Variants in PI4KA observed in about 807,000 individuals in gnomAD.
PI4KA encodes PI4-kinase alpha.
Under a neutral mutation model 271.4 loss-of-function variants are expected in PI4KA, and 122 were observed. The observed-to-expected ratio is 0.45, with a 90% confidence interval of 0.39 to 0.52. The LOEUF (loss-of-function observed/expected upper bound fraction) is 0.52, where lower values mean the gene tolerates loss of function less well. Ranked by LOEUF, PI4KA falls within the 20% of genes least tolerant of loss-of-function variation. The pLI is 0.00. For synonymous variants in PI4KA, 1,041 were observed against 1,078.8 expected (o/e 0.96, Z 0.69); for missense variants, 1,969 against 2,769.1 (o/e 0.71, Z 6.48).
chr22:20,761,809 G>A (rs1036804036), intron 22 of PI4KA, among the ~76,000 whole-genome samples: 1 of 152,176 alleles, frequency 6.6e-6, no homozygotes, highest in East Asian at 1.9e-4. Flanking sequence ...ACAGAAAAAA[G>A]GAAGGTGCAG....
chr22:20,758,154 A>C (rs1250105415), intron 23 of PI4KA, among the ~76,000 whole-genome samples: 1 of 151,980 alleles, frequency 6.6e-6, no homozygotes, highest in Non-Finnish European at 1.5e-5. Context: ...TCACGAGGTC[A>C]GGAGATCGAG....
At chr22:20,758,207 T>C (rs1037355479) in intron 23 of PI4KA, among the ~76,000 whole-genome samples, 1 of 151,484 alleles carries the variant, frequency 6.6e-6, no homozygotes, top group Non-Finnish European at 1.5e-5. Flanking sequence ...CTACTAAAAA[T>C]ACAAAAAATT....
At chr22:20,739,306 T>A (rs1929119564) in intron 32 of PI4KA, among the ~76,000 whole-genome samples, 1 of 146,186 alleles carries the variant, frequency 6.8e-6, no homozygotes. Flanking sequence ...GCCACTGCAC[T>A]CCAGCCTGGG....
At chr22:20,749,622 C>T (rs559100213) in intron 28 of PI4KA, among the ~76,000 whole-genome samples, 22 of 152,386 alleles carry the variant, frequency 1.4e-4, no homozygotes, top group South Asian at 8.3e-4. Context: ...CACACAAGCC[C>T]TTCCTCTCGT....
chr22:20,746,102 G>A (rs748896945), intron 29 of PI4KA, among the ~76,000 whole-genome samples: 6 of 107,388 alleles, frequency 5.6e-5, no homozygotes, highest in Admixed American at 3.9e-4. Context: ...TTGCTCTGTT[G>A]CCCAGGCTGG....
rs576381529 is a variant in PI4KA at position 20,851,116 on chromosome 22, T to C, written c.156+7454A>G. Reference sequence around the variant, plus strand: ...GGCTCATGCCTATAATCCCAGCACTTTGCGAGGCCGAAGTGGGCAGACGGC... The same window carrying C: ...GGCTCATGCCTATAATCCCAGCACTCTGCGAGGCCGAAGTGGGCAGACGGC... On this transcript the variant is annotated intron_variant, in intron 1 of 54. Coordinates refer to ENST00000255882, the MANE Select transcript of PI4KA (RefSeq NM_058004.4). Among the ~76,000 whole-genome samples the C allele has an allele frequency of 7.2e-5, 11 of 152,200 alleles. No homozygotes were observed. The South Asian group carries it at 2.3e-3, about 32-fold the overall frequency.
intron 1 of PI4KA, among the ~76,000 whole-genome samples, chr22:20,842,483 T>A (rs1197387786): frequency 6.6e-6 from 1 of 152,200 alleles, no homozygotes; most frequent in Non-Finnish European, 1.5e-5. Flanking sequence ...CCTACTGGAC[T>A]GCCTATCAAG....
rs761427349 is a variant in PI4KA, at chr22:20,713,338, G to T, written c.5514C>A (p.Asp1838Glu). 3.8e-6 allele frequency: 6 copies of T among 1,599,414 alleles called. No homozygotes were observed. The highest frequency in any genetic ancestry group is 5.1e-6 in the Non-Finnish European group (6 of 1,172,282). Residue 1838 changes from aspartate to glutamate, a missense_variant, in exon 48 of 55, where the codon GAC becomes GAA. Physicochemically the swap from Asp to Glu is conservative, Grantham distance 45 (BLOSUM62 2). This residue lies in a region of PI4KA where 388 missense variants were observed against 521.5 expected (regional missense o/e 0.74). Coordinates refer to ENST00000255882, the MANE Select transcript of PI4KA (RefSeq NM_058004.4). ...SEDECSTQEA[D>E]GQKISWQAAI... ...CTGCCTGCCAGGAGATCTTCTGGCC[G>T]TCGGCCTCCTGCGTGCTGCACTCAT...
intron 14 of PI4KA, 93 bp from the exon 15 acceptor site, chr22:20,799,859 T>G (rs1935198266): frequency 2.8e-6 from 2 of 708,166 alleles, no homozygotes; most frequent in East Asian, 5.7e-5. Flanking sequence ...CTACAAAGTT[T>G]AAAGAACTGC....
intron 19 of PI4KA, among the ~76,000 whole-genome samples, chr22:20,766,303 G>GCT (rs991940904): frequency 9.9e-5 from 15 of 152,140 alleles, no homozygotes; most frequent in Non-Finnish European, 2.2e-4. Context: ...CAGGTGAGGG[G>GCT]CTATTGTCCT....
Position 20,721,301 on chromosome 22 carries a change from C to A in PI4KA, c.5113G>T (p.Asp1705Tyr). ...TGTGGGAGGACAAAATACTCACGGT[C>A]TTTCTGGTGGCCCTCTTCATCTAGA... ...IYLDEEGHQK[D>Y]PDIGDLLDQL... Residue 1705 changes from aspartate (D) to tyrosine (Y), a missense_variant, in exon 43 of 55, where the codon GAC (aspartate) becomes TAC (tyrosine). Around this residue, in one of 13 missense-constraint regions of PI4KA, gnomAD observed 388 missense variants for 521.5 expected, o/e 0.74. Coordinates refer to ENST00000255882, the MANE Select transcript of PI4KA (RefSeq NM_058004.4). 6.2e-7 allele frequency: 1 copy of A among 1,613,960 alleles called. No individual in the cohort carries two copies. Among genetic ancestry groups the A allele is most frequent in the South Asian group, 1.1e-5 (1 of 91,052 alleles).
chr22:20,821,601 GT>G (rs1307501715), intron 4 of PI4KA, among the ~76,000 whole-genome samples: 4 of 149,860 alleles, frequency 2.7e-5, no homozygotes, highest in Non-Finnish European at 4.5e-5. Context: ...TTGTTTGTTT[GT>G]TTGTTTTGAG....
chr22:20,755,873 G>C (rs529642790), intron 23 of PI4KA, among the ~76,000 whole-genome samples: 19 of 151,660 alleles, frequency 1.3e-4, no homozygotes, highest in African/African-American at 4.6e-4. Flanking sequence ...TGCAGATGAA[G>C]AAACTGTAAT....
chr22:20,824,633 A>G (rs1270762975), intron 3 of PI4KA, among the ~76,000 whole-genome samples: 1 of 152,112 alleles, frequency 6.6e-6, no homozygotes, highest in Non-Finnish European at 1.5e-5. Context: ...TTTTGGTTCA[A>G]TAAACTTAAA....
chr22:20,854,767 G>A (rs1927384969), intron 1 of PI4KA, among the ~76,000 whole-genome samples: 1 of 151,104 alleles, frequency 6.6e-6, no homozygotes, highest in Admixed American at 6.6e-5. Flanking sequence ...AGAGAGAAGG[G>A]GAGGGATTGG....
chr22:20,803,306 C>G lies in PI4KA; in HGVS notation c.1476G>C (p.Leu492=). 1 of 1,614,108 alleles carries G rather than the reference C, an allele frequency of 6.2e-7. No individual in the cohort carries two copies. Among genetic ancestry groups the G allele is most frequent in the Non-Finnish European group, 8.5e-7 (1 of 1,179,972 alleles). The change falls in exon 13 of 55, where the codon CTG becomes CTC. Residue 492 remains leucine (L), a synonymous_variant. Transcript: ENST00000255882. The part of the protein sequence containing the change: ...LICCLQGLGR[L]CERFPVVVHS... ...GCACCACCACCGGGAACCTCTCGCA[C>G]AGGCGGCCCAAACCCTGCAACACAC...
chr22:20,787,152 T>C (rs1348893103), intron 19 of PI4KA: 1 of 1,247,420 alleles, frequency 8.0e-7, no homozygotes, highest in African/African-American at 1.5e-5. Context: ...TGTTCTGGCA[T>C]CATTTACGTA....
Position 20,818,527 on chromosome 22 carries a change from G to C in PI4KA, c.812C>G (p.Pro271Arg), listed in dbSNP as rs1318155482. The change falls in exon 7 of 55, where the codon CCC becomes CGC. Residue 271 changes from proline (P) to arginine (R), a missense_variant. Coordinates refer to ENST00000255882, the MANE Select transcript of PI4KA (RefSeq NM_058004.4). ...ISQVSPERGM[P>R]PPSSPGGSAF... Reference sequence around the variant, plus strand: ...AGATCCTCCAGGGGAACTGGGAGGGGGCATGCCGCGTTCAGGGCTGACCTG... The same window carrying C: ...AGATCCTCCAGGGGAACTGGGAGGGCGCATGCCGCGTTCAGGGCTGACCTG... 1 of 1,560,998 alleles carries C rather than the reference G, an allele frequency of 6.4e-7. No homozygotes were observed.
intron 32 of PI4KA, among the ~76,000 whole-genome samples, chr22:20,734,900 A>G (rs1238629406): frequency 6.6e-6 from 1 of 152,140 alleles, no homozygotes; most frequent in African/African-American, 2.4e-5. Context: ...TGTGGCTGTG[A>G]GCGGGAAGAC....
Sources: allele counts gnomAD v4.1 joint callset (sites outside exome capture counted in the v4.1 genomes callset), GRCh38; gene constraint gnomAD v4.1.1; regional missense constraint gnomAD v4.1.1; transcripts MANE v1.5; gene names NCBI Gene and HGNC (gene_info 2026-07-23, HGNC 2026-07-21).